Variants in SLC24A2 observed in about 807,000 individuals in gnomAD.
The protein encoded by SLC24A2 is solute carrier family 24 member 2.
Under a neutral mutation model 62.0 loss-of-function variants are expected in SLC24A2, and 36 were observed. That is an observed-to-expected ratio of 0.58 (90% confidence interval 0.44 to 0.77). The LOEUF (loss-of-function observed/expected upper bound fraction) is 0.77, where lower values mean the gene tolerates loss of function less well. Ranked by LOEUF, SLC24A2 falls within the 30% of genes least tolerant of loss-of-function variation. SLC24A2 has a pLI of 0.00. For synonymous variants in SLC24A2, 358 were observed against 294.0 expected (o/e 1.22, Z -2.23); for missense variants, 846 against 817.9 (o/e 1.03, Z -0.42).
the SLC24A2 span, among the ~76,000 whole-genome samples, chr9:19,951,410 A>G: frequency 1.3e-5 from 2 of 152,080 alleles, no homozygotes; most frequent in African/African-American, 4.8e-5. Flanking sequence ...GTACGTATAT[A>G]TGTTCTAAGA....
chr9:19,792,665 G>A (rs1213789128), upstream of SLC24A2, among the ~76,000 whole-genome samples: 5 of 151,048 alleles, frequency 3.3e-5, no homozygotes, highest in Non-Finnish European at 4.4e-5. Flanking sequence ...CCGAGACGGC[G>A]CCATTGTACT....
chr9:19,998,499 G>C, the SLC24A2 span, among the ~76,000 whole-genome samples: 2 of 152,160 alleles, frequency 1.3e-5, no homozygotes, highest in East Asian at 3.8e-4. Context: ...TTTTCATTAG[G>C]ATTAAAACAG....
the SLC24A2 span, among the ~76,000 whole-genome samples, chr9:19,868,126 G>A: frequency 6.6e-6 from 1 of 151,922 alleles, no homozygotes; most frequent in Admixed American, 6.6e-5. Flanking sequence ...GCTTAAAACA[G>A]TAACTTCTCT....
the SLC24A2 span, among the ~76,000 whole-genome samples, chr9:19,934,951 T>C: frequency 6.6e-6 from 1 of 152,146 alleles, no homozygotes; most frequent in South Asian, 2.1e-4. This position sits in a 1 kb window ranked among gnomAD's most constrained non-coding sequence, Gnocchi z 4.1. Context: ...ATGGGCGTCT[T>C]GGCGCCTCTG....
the SLC24A2 span, among the ~76,000 whole-genome samples, chr9:20,187,231 T>C: frequency 6.6e-6 from 1 of 152,200 alleles, no homozygotes. Flanking sequence ...TATGGCATTG[T>C]TTTGATATGC....
chr9:19,965,191 T>C, the SLC24A2 span, among the ~76,000 whole-genome samples: 3 of 152,114 alleles, frequency 2.0e-5, no homozygotes, highest in Non-Finnish European at 2.9e-5. Flanking sequence ...ATAACACCAG[T>C]AGTGACCAAT....
chr9:20,058,684 T>C, the SLC24A2 span, among the ~76,000 whole-genome samples: 2 of 152,194 alleles, frequency 1.3e-5, no homozygotes, highest in Admixed American at 6.5e-5. Flanking sequence ...GGAAGATCAC[T>C]TGACCCAGGA....
intron 7 of SLC24A2, 29 bp from the exon 8 acceptor site, chr9:19,550,297 C>G: frequency 6.2e-7 from 1 of 1,612,498 alleles, no homozygotes; most frequent in Non-Finnish European, 8.5e-7. Flanking sequence ...TAAAATTAAA[C>G]AAACAAAAAA....
At chr9:19,906,787 AT>A in the SLC24A2 span, among the ~76,000 whole-genome samples, 1 of 152,230 alleles carries the variant, frequency 6.6e-6, no homozygotes, top group African/African-American at 2.4e-5. Flanking sequence ...AAGAAGTTGA[AT>A]CTCTGAATAG....
the SLC24A2 span, among the ~76,000 whole-genome samples, chr9:20,026,348 T>C: frequency 6.6e-6 from 1 of 152,206 alleles, no homozygotes; most frequent in Non-Finnish European, 1.5e-5. Context: ...TGCAATTAAA[T>C]AAGACAATGA....
At chr9:20,300,202 G>A in the SLC24A2 span, among the ~76,000 whole-genome samples, 1 of 152,174 alleles carries the variant, frequency 6.6e-6, no homozygotes, top group Admixed American at 6.5e-5. Context: ...GCCATGTATG[G>A]TAATTACATC....
chr9:19,521,806 C>G (rs1033936774), intron 9 of SLC24A2, among the ~76,000 whole-genome samples: 39 of 151,444 alleles, frequency 2.6e-4, no homozygotes, highest in African/African-American at 8.2e-4. Context: ...GTGACAGACT[C>G]TTTGTGAATA....
chr9:20,255,753 A>G, the SLC24A2 span, among the ~76,000 whole-genome samples: 1 of 152,222 alleles, frequency 6.6e-6, no homozygotes, highest in Non-Finnish European at 1.5e-5. Flanking sequence ...CTACTGATCA[A>G]TGCAGTCATA....
upstream of SLC24A2, among the ~76,000 whole-genome samples, chr9:19,791,295 G>C (rs550138005): frequency 1.3e-5 from 2 of 152,200 alleles, no homozygotes; most frequent in South Asian, 4.1e-4. Context: ...CTCCTTGCTA[G>C]GCTTTGTCTT....
At chr9:20,003,798 AC>A in the SLC24A2 span, among the ~76,000 whole-genome samples, 1 of 152,168 alleles carries the variant, frequency 6.6e-6, no homozygotes, top group South Asian at 2.1e-4. Context: ...CAGGTAGTGG[AC>A]CAGATTTGAC....
chr9:19,516,247 A>G lies in SLC24A2; in HGVS notation c.1892T>C (p.Ile631Thr). Residue 631 changes from isoleucine to threonine, a missense_variant, in exon 11 of 11, where the codon ATC becomes ACC. Transcript: ENST00000341998. ...IALCKWRMNK[I>T]LGFIMFGLYF... ...GAGGCCAAACATGATGAAGCCCAGG[A>G]TTTTGTTCATTCGCCACTTGCAGAG... The G allele has an allele frequency of 6.2e-7, 1 of 1,614,162 alleles. No homozygotes were observed. Among genetic ancestry groups the G allele is most frequent in the Non-Finnish European group, 8.5e-7 (1 of 1,180,022 alleles).
At chr9:19,864,424 C>T in the SLC24A2 span, among the ~76,000 whole-genome samples, 9 of 151,756 alleles carry the variant, frequency 5.9e-5, no homozygotes, top group Non-Finnish European at 8.8e-5. Context: ...ATGTACCTGA[C>T]GAATATTGAT....
chr9:19,855,384 T>C, the SLC24A2 span, among the ~76,000 whole-genome samples: 1 of 152,216 alleles, frequency 6.6e-6, no homozygotes, highest in Non-Finnish European at 1.5e-5. Flanking sequence ...CTTCATAGTG[T>C]CATTGGTCTG....
chr9:20,080,797 C>A, the SLC24A2 span, among the ~76,000 whole-genome samples: 1 of 151,982 alleles, frequency 6.6e-6, no homozygotes, highest in South Asian at 2.1e-4. Flanking sequence ...AACAAACAAC[C>A]CCATCAAAAA....
Sources: gnomAD v4.1 joint callset for allele counts (sites outside exome capture counted in the v4.1 genomes callset) on GRCh38, gnomAD v4.1.1 for gene constraint, Gnocchi (gnomAD v3.1) non-coding constraint, MANE v1.5 for transcripts, NCBI Gene and HGNC (gene_info 2026-07-23, HGNC 2026-07-21) for gene names.